COL6A2: variants seen among roughly 807,000 people sequenced by gnomAD.
COL6A2 encodes the protein collagen type VI alpha 2 chain, also known as collagen alpha-2(VI) chain.
A neutral mutation model predicts 124.9 loss-of-function variants in COL6A2; 90 were observed. The observed-to-expected ratio is 0.72, with a 90% confidence interval of 0.61 to 0.86. The LOEUF (loss-of-function observed/expected upper bound fraction) is 0.86. COL6A2 is among the 40% of genes least tolerant of loss of function. The probability of loss-of-function intolerance (pLI) is 0.00; values close to 1 mark genes in which losing one functional copy is unlikely to be tolerated. For missense variants in COL6A2, 1,607 were observed against 1,502.5 expected, an observed-to-expected ratio of 1.07 and a Z score of -1.15; for synonymous variants, 793 against 618.2, an observed-to-expected ratio of 1.28 and a Z score of -4.19.
intron 25 of COL6A2, 75 bp downstream of exon 25, chr21:46,125,692 C>T: frequency 1.3e-6 from 2 of 1,589,268 alleles, no homozygotes; most frequent in Admixed American, 1.8e-5. Flanking sequence ...TGGGAGAAGT[C>T]CAGACGCGTC....
At position 46,116,857 on chromosome 21, in the gene COL6A2, G is replaced by A. The variant is rs1436638145; in HGVS notation, c.999+43G>A. The A allele has an allele frequency of 1.2e-6, 2 of 1,610,326 alleles. No individual in the cohort carries two copies. Among genetic ancestry groups the A allele is most frequent in the Non-Finnish European group, 1.7e-6 (2 of 1,178,240 alleles). On this transcript the variant is annotated intron_variant, in intron 10 of 27. Transcript: ENST00000300527. This position sits in a 1 kb window ranked among gnomAD's most constrained non-coding sequence, Gnocchi z 4.6. ...CTCACAGCTGGACTGGTCTCACAGA[G>A]GCATCCCAGCCTCTGCAGGGCCCCC...
In COL6A2 at chr21:46,128,842, TC is replaced by T. The variant is rs1031465860; in HGVS notation, c.2461+2303del. On this transcript the variant is annotated intron_variant, in intron 27 of 27. Transcript: ENST00000300527. ...GGCTCTTGAGGGGTGGCTGGGGTCTTCCTGGCGACGGGCCTGCGGCACTGGA... is the reference window on the plus strand; with the variant it reads ...GGCTCTTGAGGGGTGGCTGGGGTCTTCTGGCGACGGGCCTGCGGCACTGGA... The T allele has an allele frequency of 2.0e-5, 28 of 1,430,812 alleles. No homozygotes were observed. In the African/African-American group the frequency reaches 2.9e-4, roughly 15 times the overall value. 88.6% of individuals were successfully genotyped at this position (1,430,812 alleles called of 1,614,324 possible).
At position 46,124,474 on chromosome 21, in the gene COL6A2, T is replaced by C. The variant is rs2839112; in HGVS notation, c.1672-177T>C. Reference sequence around the variant, plus strand: ...TGACGGTGGCCACTCATGGCCTTTCTAGCTCTGGTGCCAGCATAGGGAAGG... The same window carrying C: ...TGACGGTGGCCACTCATGGCCTTTCCAGCTCTGGTGCCAGCATAGGGAAGG... On this transcript the variant is annotated intron_variant, in intron 21 of 27. Transcript: ENST00000300527. Among the ~76,000 whole-genome samples the C allele has an allele frequency of 0.15, 22,395 of 152,070 alleles. 2,497 individuals are homozygous for C. The highest frequency in any genetic ancestry group is 0.32 in the African/African-American group (13,167 of 41,412).
intron 27 of COL6A2, chr21:46,129,189 C>T (rs1392413700): frequency 1.2e-6 from 2 of 1,612,760 alleles, no homozygotes; most frequent in Non-Finnish European, 1.7e-6. Flanking sequence ...TGGACGCTCC[C>T]TTGCAGATGC....
In COL6A2 at chr21:46,112,091, G is replaced by C; in HGVS notation, c.228G>C (p.Gln76His). Residue 76 changes from glutamine (Q) to histidine (H), a missense_variant, in exon 3 of 28, where the codon CAG (glutamine) becomes CAC (histidine). Gln to His is a conservative substitution (Grantham distance 24). Coordinates refer to ENST00000300527, the MANE Select transcript of COL6A2 (RefSeq NM_001849.4). ...LLFHMKQFVPQFISQLQNEFY... is the reference protein window; with the variant it reads ...LLFHMKQFVPHFISQLQNEFY... ...TCCACATGAAGCAGTTCGTGCCGCAGTTCATCAGCCAGCTGCAGAACGAGT... is the reference window on the plus strand; with the variant it reads ...TCCACATGAAGCAGTTCGTGCCGCACTTCATCAGCCAGCTGCAGAACGAGT... The C allele has an allele frequency of 6.2e-7, 1 of 1,613,194 alleles. No homozygotes were observed. The highest frequency in any genetic ancestry group is 8.5e-7 in the Non-Finnish European group (1 of 1,180,028).
At position 46,112,587 on chromosome 21, in the gene COL6A2, G is replaced by A. The variant is rs777394169; in HGVS notation, c.714+10G>A. ...CATCATCAAGGTCATGGTGAGCCGC[G>A]GGCGGGAGCACCGTCCACGCGCCAG... On this transcript the variant is annotated intron_variant, in intron 3 of 27. Transcript: ENST00000300527. 6.8e-5 allele frequency: 110 copies of A among 1,611,038 alleles called. 1 individual carries two copies. In the Middle Eastern group the frequency reaches 1.3e-3, roughly 19 times the overall value.
rs528497550 is a variant in COL6A2 at position 46,127,337 on chromosome 21, G to A, written c.2461+796G>A. 9.9e-5 allele frequency among the ~76,000 whole-genome samples: 15 copies of A among 152,234 alleles called. No homozygotes were observed. The East Asian group carries it at 2.3e-3, about 24-fold the overall frequency. On this transcript the variant is annotated intron_variant, in intron 27 of 27. Transcript: ENST00000300527. ...AGCACGCGGGTCGCGGTGTGCGTTCGGGCGTTCCATGGGGAGCTCCCGGTG... is the reference window on the plus strand; with the variant it reads ...AGCACGCGGGTCGCGGTGTGCGTTCAGGCGTTCCATGGGGAGCTCCCGGTG...
At position 46,132,704 on chromosome 21, in the gene COL6A2, C is replaced by A; in HGVS notation, c.*152C>A. ...AGCTCCTCCCACGGGGTCCCCGTAG[C>A]CCCGGCCCCCGCCCAGCCCCAGGTC... On this transcript the variant is annotated 3_prime_UTR_variant, in exon 28 of 28. Transcript: ENST00000300527. 1.3e-6 allele frequency: 1 copy of A among 771,070 alleles called. No individual in the cohort carries two copies. The highest frequency in any genetic ancestry group is 1.7e-5 in the South Asian group (1 of 59,260). The allele number at this position is 771,070 out of a possible 1,614,324, so 47.8% of individuals were successfully genotyped here.
intron 1 of COL6A2, among the ~76,000 whole-genome samples, chr21:46,104,088 A>C (rs2078313689): frequency 6.6e-6 from 1 of 152,236 alleles, no homozygotes; most frequent in Admixed American, 6.5e-5. Flanking sequence ...CAAAATTATA[A>C]AAACAAGAAA....
chr21:46,125,241 A>G lies in COL6A2; in HGVS notation c.1771-25A>G, dbSNP rs2839113. ...ACTCTTCTGGGGCCCCGGGGGGACT[A>G]CCCTGCCTGCCGTGTGCATTGCAGG... On this transcript the variant is annotated intron_variant, in intron 23 of 27. Coordinates refer to ENST00000300527, the MANE Select transcript of COL6A2 (RefSeq NM_001849.4). The G allele has an allele frequency of 0.81, 1,301,057 of 1,608,110 alleles. 528,772 individuals are homozygous for G. Among genetic ancestry groups the G allele is most frequent in the East Asian group, 0.91 (40,743 of 44,828 alleles).
In COL6A2 at chr21:46,121,582, A is replaced by G. The variant is rs1185101604; in HGVS notation, c.1485A>G (p.Ala495=). 1.2e-6 allele frequency: 2 copies of G among 1,612,784 alleles called. No individual in the cohort carries two copies. The highest frequency in any genetic ancestry group is 4.5e-5 in the East Asian group (2 of 44,850). Residue 495 remains alanine (A), a synonymous_variant, in exon 18 of 28, where the codon GCA becomes GCG. Coordinates refer to ENST00000300527, the MANE Select transcript of COL6A2 (RefSeq NM_001849.4). ...KQGSRGDPGD[A]GPRGDSGQPG... ...GATCTCGGGGAGACCCCGGTGATGC[A>G]GGACCCCGTGGAGACTCAGGACAGC...
In COL6A2 at chr21:46,114,521, T is replaced by C. The variant is rs191715568; in HGVS notation, c.801+448T>C. The stretch of plus-strand genomic sequence containing the variant: ...TCCCTGGAGAAACTAAAACTCTATA[T>C]GTCTAATTCCTTTTAAATAGTATAT... On this transcript the variant is annotated intron_variant, in intron 5 of 27. Transcript: ENST00000300527. Among the ~76,000 whole-genome samples the C allele has an allele frequency of 2.2e-3, 332 of 152,242 alleles. 2 individuals carry two copies. Among genetic ancestry groups the C allele is most frequent in the African/African-American group, 7.6e-3 (317 of 41,530 alleles).
Position 46,126,506 on chromosome 21 carries a change from C to T in COL6A2, c.2426C>T (p.Pro809Leu), listed in dbSNP as rs1373149520. 8 of 1,611,756 alleles carry T rather than the reference C, an allele frequency of 5.0e-6. No individual in the cohort carries two copies. The highest frequency in any genetic ancestry group is 5.9e-6 in the Non-Finnish European group (7 of 1,178,432). ...CGGCCTCTCTCCTCTCTTCCAGACC[C>T]TCAGATCGTGTGCCCAGACCTTCCC... ...DDMEDVLCPDPQIVCPDLPCQ... is the reference protein window; with the variant it reads ...DDMEDVLCPDLQIVCPDLPCQ... Residue 809 changes from proline to leucine, a missense_variant, in exon 27 of 28, where the codon CCT (proline) becomes CTT (leucine). Transcript: ENST00000300527.
chr21:46,124,229 A>G (rs915213030), intron 21 of COL6A2, among the ~76,000 whole-genome samples: 1 of 148,030 alleles, frequency 6.8e-6, no homozygotes, highest in Non-Finnish European at 1.5e-5. Context: ...TGGATGATGG[A>G]TGGGTGACTG....
chr21:46,132,445 C>T lies in COL6A2; in HGVS notation c.2953C>T (p.Leu985Phe). Reference protein sequence around the residue: ...ALGSDVDMDVLTTLSLGDRAA... With the variant: ...ALGSDVDMDVFTTLSLGDRAA... ...GGGCAGCGACGTGGACATGGACGTG[C>T]TCACCACGCTCAGCCTGGGTGACCG... is the stretch of plus-strand genomic sequence containing the variant. Residue 985 changes from leucine to phenylalanine, a missense_variant, in exon 28 of 28, where the codon CTC becomes TTC. Around this residue, in one of 3 missense-constraint regions of COL6A2, gnomAD observed 1,223 missense variants for 1,052.2 expected, o/e 1.16. Coordinates refer to ENST00000300527, the MANE Select transcript of COL6A2 (RefSeq NM_001849.4). 1.2e-6 allele frequency: 2 copies of T among 1,606,274 alleles called. No individual in the cohort carries two copies. Among genetic ancestry groups the T allele is most frequent in the Non-Finnish European group, 1.7e-6 (2 of 1,176,736 alleles).
chr21:46,130,730 T>C (rs1364963477), intron 27 of COL6A2, among the ~76,000 whole-genome samples: 1 of 152,138 alleles, frequency 6.6e-6, no homozygotes, highest in Non-Finnish European at 1.5e-5. Flanking sequence ...AAAATGTTAT[T>C]AGTTTTGAGG....
intron 27 of COL6A2, chr21:46,128,929 A>T (rs756233017): frequency 6.2e-7 from 1 of 1,612,642 alleles, no homozygotes; most frequent in Non-Finnish European, 8.5e-7. Flanking sequence ...TTTGTGCTGA[A>T]AGGTTTTCTC....
intron 15 of COL6A2, among the ~76,000 whole-genome samples, 200 bp from the exon 16 acceptor site, chr21:46,120,315 A>C (rs1330833593): frequency 2.0e-5 from 3 of 152,014 alleles, no homozygotes; most frequent in African/African-American, 7.3e-5. Flanking sequence ...GGACCGAGAG[A>C]CACCGTGCTC....
chr21:46,128,468 G>C (rs2078707894), intron 27 of COL6A2, among the ~76,000 whole-genome samples: 1 of 146,658 alleles, frequency 6.8e-6, no homozygotes, highest in Non-Finnish European at 1.5e-5. Context: ...TGGGCACTGG[G>C]TGGACACCAC....
Sources: allele counts gnomAD v4.1 joint callset (sites outside exome capture counted in the v4.1 genomes callset), GRCh38; gene constraint gnomAD v4.1.1; regional missense constraint gnomAD v4.1.1; non-coding constraint Gnocchi (gnomAD v3.1); transcripts MANE v1.5; gene names NCBI Gene and HGNC (gene_info 2026-07-23, HGNC 2026-07-21).